ASTN2: variants seen among roughly 807,000 people sequenced by gnomAD.
ASTN2 encodes astrotactin 2, also known as astrotactin-2.
ASTN2 carries 54 observed loss-of-function variants against 139.8 expected under a neutral mutation model. The ratio of observed to expected loss-of-function variants is 0.39; its 90% CI spans 0.31 to 0.48. The LOEUF (loss-of-function observed/expected upper bound fraction) is 0.48. ASTN2 is among the 20% of genes least tolerant of loss of function. ASTN2 has a pLI of 0.95. For synonymous variants in ASTN2, 756 were observed against 719.5 expected, an observed-to-expected ratio of 1.05 and a Z score of -0.81; for missense variants, 1,565 against 1,725.1, an observed-to-expected ratio of 0.91 and a Z score of 1.64.
At chr9:116,539,670 C>T (rs372753036) in intron 19 of ASTN2, among the ~76,000 whole-genome samples, 36 of 152,276 alleles carry the variant, frequency 2.4e-4, no homozygotes, top group East Asian at 9.7e-4. Flanking sequence ...ATAACCTGGA[C>T]GGCTACTGAG....
At chr9:117,093,047 C>A (rs1828746195) in intron 5 of ASTN2, among the ~76,000 whole-genome samples, 3 of 152,250 alleles carry the variant, frequency 2.0e-5, no homozygotes, top group Admixed American at 6.5e-5. Context: ...AGGTATATCC[C>A]AATAACAGGA....
intron 10 of ASTN2, among the ~76,000 whole-genome samples, chr9:116,883,017 T>C (rs555057500): frequency 6.6e-6 from 1 of 152,288 alleles, no homozygotes; most frequent in East Asian, 1.9e-4. Context: ...TCGTACACGT[T>C]GACCAAGTGA....
rs1368218606 is a variant in ASTN2 at position 116,863,701 on chromosome 9, G to T, written c.1922C>A (p.Thr641Asn). Residue 641 changes from threonine to asparagine, a missense_variant, in exon 11 of 23, where the codon ACC becomes AAC. Thr to Asn is a moderately conservative substitution (Grantham distance 65). Around this residue, in one of 4 missense-constraint regions of ASTN2, gnomAD observed 503 missense variants for 591.7 expected, o/e 0.85. Coordinates refer to ENST00000313400, the MANE Select transcript of ASTN2 (RefSeq NM_001365068.1). ...GAAGGAAGACAGCAGGTCATTGATG[G>T]TTTCAAAGTATGTGGACAGCATCGC... ...EEAMLSTYFE[T>N]INDLLSSFGP... The T allele has an allele frequency of 1.9e-6, 3 of 1,614,020 alleles. No homozygotes were observed. The highest frequency in any genetic ancestry group is 2.5e-6 in the Non-Finnish European group (3 of 1,179,998).
intron 13 of ASTN2, among the ~76,000 whole-genome samples, chr9:116,755,241 G>A (rs2132159894): frequency 6.6e-6 from 1 of 152,218 alleles, no homozygotes; most frequent in Middle Eastern, 3.4e-3. Context: ...CTTATGTTAT[G>A]GGCTGAATTA....
intron 17 of ASTN2, among the ~76,000 whole-genome samples, chr9:116,635,394 TA>T (rs936631678): frequency 2.0e-5 from 3 of 152,184 alleles, no homozygotes; most frequent in Admixed American, 1.3e-4. Flanking sequence ...CTAAAACCTC[TA>T]AAATATCAAA....
chr9:116,449,889 A>G (rs1848122904), intron 20 of ASTN2, among the ~76,000 whole-genome samples: 2 of 152,182 alleles, frequency 1.3e-5, no homozygotes, highest in Admixed American at 6.5e-5. Flanking sequence ...AGGAGCCTTC[A>G]GATAATTCTC....
intron 13 of ASTN2, among the ~76,000 whole-genome samples, chr9:116,802,570 C>T (rs1001946529): frequency 2.0e-5 from 3 of 152,188 alleles, no homozygotes; most frequent in Non-Finnish European, 4.4e-5. Flanking sequence ...CCTCTTACTA[C>T]CCATGTGGAT....
intron 7 of ASTN2, among the ~76,000 whole-genome samples, chr9:117,003,155 C>T (rs1459404415): frequency 6.6e-6 from 1 of 152,144 alleles, no homozygotes; most frequent in African/African-American, 2.4e-5. Flanking sequence ...GTGAAAGAAA[C>T]AGACACAGTT....
intron 2 of ASTN2, among the ~76,000 whole-genome samples, chr9:117,253,632 C>G (rs988023945): frequency 1.3e-5 from 2 of 152,178 alleles, no homozygotes; most frequent in African/African-American, 4.8e-5. Flanking sequence ...CTAAAACAAG[C>G]AGGGATTACC....
At chr9:117,333,185 T>C (rs1000617389) in intron 1 of ASTN2, among the ~76,000 whole-genome samples, 6 of 151,542 alleles carry the variant, frequency 4.0e-5, no homozygotes, top group African/African-American at 1.5e-4. Flanking sequence ...CCTGAACCCA[T>C]GCCTGGAAGG....
chr9:116,659,098 T>C (rs1858403903), intron 16 of ASTN2, among the ~76,000 whole-genome samples: 1 of 152,188 alleles, frequency 6.6e-6, no homozygotes, highest in South Asian at 2.1e-4. Context: ...GCATACTTGT[T>C]TTCACAGACT....
intron 10 of ASTN2, among the ~76,000 whole-genome samples, chr9:116,930,817 C>T (rs1431296476): frequency 1.3e-5 from 2 of 152,146 alleles, no homozygotes; most frequent in African/African-American, 2.4e-5. Context: ...ACCTTTACAG[C>T]GTCTACTTCA....
chr9:117,309,499 A>G (rs1030852489), intron 1 of ASTN2, among the ~76,000 whole-genome samples: 3 of 152,112 alleles, frequency 2.0e-5, no homozygotes, highest in South Asian at 2.1e-4. Context: ...AAGAATGACA[A>G]CTCTTCACCC....
chr9:116,955,702 C>T (rs1444070522), intron 10 of ASTN2, among the ~76,000 whole-genome samples: 3 of 152,298 alleles, frequency 2.0e-5, no homozygotes, highest in Admixed American at 6.5e-5. Context: ...ACTGTGTGGT[C>T]GTAGCAAGTT....
intron 4 of ASTN2, among the ~76,000 whole-genome samples, chr9:117,128,231 G>A (rs1829744924): frequency 6.6e-6 from 1 of 151,824 alleles, no homozygotes; most frequent in African/African-American, 2.4e-5. Context: ...AAAAATAGCT[G>A]GGCATGCTGG....
At chr9:117,181,218 A>T in intron 3 of ASTN2, 1 of 603,200 alleles carries the variant, frequency 1.7e-6, no homozygotes, top group Non-Finnish European at 3.0e-6. Flanking sequence ...GGAGTATTTC[A>T]ATTATTCTTC....
At chr9:117,387,049 T>C (rs896103965) in intron 1 of ASTN2, among the ~76,000 whole-genome samples, 1 of 152,126 alleles carries the variant, frequency 6.6e-6, no homozygotes, top group Non-Finnish European at 1.5e-5. Context: ...CCTGTTGATC[T>C]CCTGGGGTTG....
At chr9:116,520,590 A>C (rs778461467) in intron 19 of ASTN2, among the ~76,000 whole-genome samples, 4 of 152,148 alleles carry the variant, frequency 2.6e-5, no homozygotes, top group Non-Finnish European at 5.9e-5. Context: ...AAGAACTGGA[A>C]TAAGAGAAGG....
intron 1 of ASTN2, among the ~76,000 whole-genome samples, chr9:117,293,599 G>A (rs1383924778): frequency 6.6e-6 from 1 of 152,150 alleles, no homozygotes; most frequent in Non-Finnish European, 1.5e-5. Context: ...GGCTGATTGG[G>A]TGATCAATTT....
Sources: gnomAD v4.1 joint callset for allele counts (sites outside exome capture counted in the v4.1 genomes callset) on GRCh38, gnomAD v4.1.1 for gene constraint, gnomAD v4.1.1 regional missense constraint, MANE v1.5 for transcripts, NCBI Gene and HGNC (gene_info 2026-07-23, HGNC 2026-07-21) for gene names.